Variants in ZNF608 observed in about 807,000 individuals in gnomAD.
The protein encoded by ZNF608 is zinc finger protein 608, also known as renal carcinoma antigen NY-REN-36.
ZNF608 carries 12 observed loss-of-function variants against 109.0 expected under a neutral mutation model. That is an observed-to-expected ratio of 0.11 (90% CI 0.07 to 0.18). ZNF608 has a LOEUF of 0.18. ZNF608 is among the 10% of genes least tolerant of loss of function. ZNF608 has a pLI of 1.00. For missense variants in ZNF608, 1,707 were observed against 1,879.3 expected (o/e 0.91, Z 1.70); for synonymous variants, 732 against 717.4 (o/e 1.02, Z -0.33).
intron 3 of ZNF608, among the ~76,000 whole-genome samples, chr5:124,665,929 A>C (rs1247758881): frequency 6.6e-6 from 1 of 152,226 alleles, no homozygotes; most frequent in Non-Finnish European, 1.5e-5. Context: ...GCTTAAAATA[A>C]ATTTTACAGA....
intron 3 of ZNF608, among the ~76,000 whole-genome samples, chr5:124,683,804 T>C (rs1445567819): frequency 1.3e-5 from 2 of 152,214 alleles, no homozygotes; most frequent in Admixed American, 1.3e-4. Context: ...TTCTAAGGAA[T>C]CTTAATACAA....
In ZNF608 at chr5:124,646,599, T is replaced by C. The variant is rs1482947681; in HGVS notation, c.3705+80A>G. The stretch of plus-strand genomic sequence containing the variant: ...GGGTTTCTTTCCTGTGTCAGAAGTC[T>C]AACCAGATCAAGCCCAGACATGTAT... On this transcript the variant is annotated intron_variant, in intron 5 of 9. Coordinates refer to ENST00000513986, the MANE Select transcript of ZNF608 (RefSeq NM_020747.3). The C allele has an allele frequency of 3.3e-6, 5 of 1,499,992 alleles. No individual in the cohort carries two copies. In the African/African-American group the frequency reaches 7.0e-5, roughly 21 times the overall value. The allele number at this position is 1,499,992 out of a possible 1,614,324, so 92.9% of individuals were successfully genotyped here. A position where few individuals can be genotyped will look rare whatever the true frequency, so the allele number is the denominator to read the frequency against.
At chr5:124,746,802 G>A (rs1286395015), upstream of ZNF608, 15 of 983,802 alleles carry the variant, frequency 1.5e-5, no homozygotes, top group South Asian at 6.6e-4. Flanking sequence ...GAGAAAAGGA[G>A]GGGGGGAGTA....
intron 3 of ZNF608, among the ~76,000 whole-genome samples, chr5:124,695,015 C>G (rs573422375): frequency 1.3e-5 from 2 of 152,136 alleles, no homozygotes; most frequent in Non-Finnish European, 2.9e-5. Context: ...CCACTTGACC[C>G]TTTTTCTCAT....
At chr5:124,675,995 G>A (rs1368633872) in intron 3 of ZNF608, among the ~76,000 whole-genome samples, 1 of 152,204 alleles carries the variant, frequency 6.6e-6, no homozygotes, top group Admixed American at 6.5e-5. Flanking sequence ...AAAGACATGA[G>A]ACAGCTGGCC....
At chr5:124,672,396 C>T (rs2149815094) in intron 3 of ZNF608, among the ~76,000 whole-genome samples, 1 of 152,300 alleles carries the variant, frequency 6.6e-6, no homozygotes, top group African/African-American at 2.4e-5. Flanking sequence ...TAATGAATCT[C>T]TAAAGAACTA....
In ZNF608 at chr5:124,647,019, G is replaced by T. The variant is rs1165591365; in HGVS notation, c.3365C>A (p.Thr1122Asn). 8.7e-6 allele frequency: 14 copies of T among 1,613,864 alleles called. No homozygotes were observed. The highest frequency in any genetic ancestry group is 1.2e-5 in the Non-Finnish European group (14 of 1,179,982). ...TTTCCTTTCACAGTCTCCTCTCCCAGTCTGGGCCATTTTCTGCTCTGCCAG... is the reference window on the plus strand; with the variant it reads ...TTTCCTTTCACAGTCTCCTCTCCCATTCTGGGCCATTTTCTGCTCTGCCAG... ...QRLAEQKMAQTGRGDCERKSE... is the reference protein window; with the variant it reads ...QRLAEQKMAQNGRGDCERKSE... The change falls in exon 5 of 10, where the codon ACT becomes AAT. Residue 1122 changes from threonine (T) to asparagine (N), a missense_variant. This residue lies in a region of ZNF608 where 1,073 missense variants were observed against 1,133.5 expected (regional missense o/e 0.95). Transcript: ENST00000513986.
chr5:124,748,548 G>C, upstream of ZNF608: 1 of 985,374 alleles, frequency 1.0e-6, no homozygotes, highest in African/African-American at 1.7e-5. Context: ...GTATTGGATC[G>C]AGTTGACCTT....
chr5:124,730,908 T>C (rs1748865015), intron 2 of ZNF608, among the ~76,000 whole-genome samples: 1 of 152,224 alleles, frequency 6.6e-6, no homozygotes, highest in African/African-American at 2.4e-5. Context: ...GAAGCATTCA[T>C]AGAGTGGAGG....
intron 3 of ZNF608, among the ~76,000 whole-genome samples, chr5:124,689,162 C>T (rs931002028): frequency 6.6e-6 from 1 of 152,114 alleles, no homozygotes; most frequent in Admixed American, 6.5e-5. Context: ...CTTTGAGAGG[C>T]CAAGATGGGA....
In ZNF608 at chr5:124,670,336, TC is replaced by T. The variant is rs779207645; in HGVS notation, c.1163-20640del. Among the ~76,000 whole-genome samples, 1,276 of 148,604 alleles carry T rather than the reference TC, an allele frequency of 8.6e-3. 20 individuals are homozygous for T. The highest frequency in any genetic ancestry group is 0.027 in the African/African-American group (1,081 of 39,688). On this transcript the variant is annotated intron_variant, in intron 3 of 9. Transcript: ENST00000513986. ...AGTGCAGCTATCCTTTTTCTTTCTT[TC>T]TTTTTTTTTTTAATGGAAAGGCTCT...
intron 3 of ZNF608, among the ~76,000 whole-genome samples, chr5:124,698,193 G>T (rs1752923402): frequency 6.6e-6 from 1 of 152,086 alleles, no homozygotes; most frequent in Non-Finnish European, 1.5e-5. Context: ...TTTGTTCTGT[G>T]TCTCTCTTTG....
chr5:124,708,663 C>A, intron 2 of ZNF608: 1 of 449,908 alleles, frequency 2.2e-6, no homozygotes, highest in Non-Finnish European at 4.5e-6. Context: ...CTAAAACTAC[C>A]GTTATGCACA....
chr5:124,705,120 C>T (rs1753207564), intron 2 of ZNF608, among the ~76,000 whole-genome samples: 1 of 152,090 alleles, frequency 6.6e-6, no homozygotes, highest in Non-Finnish European at 1.5e-5. Flanking sequence ...GTTATTTTTG[C>T]CTTATACAAA....
intron 3 of ZNF608, among the ~76,000 whole-genome samples, chr5:124,682,186 C>T (rs1203824903): frequency 6.6e-6 from 1 of 152,308 alleles, no homozygotes; most frequent in East Asian, 1.9e-4. Context: ...GATTCTCCTA[C>T]CGCAGCCTCC....
chr5:124,747,875 T>C (rs1214019572), upstream of ZNF608, among the ~76,000 whole-genome samples: 1 of 152,116 alleles, frequency 6.6e-6, no homozygotes, highest in African/African-American at 2.4e-5. Flanking sequence ...TACTTGGATT[T>C]TAGGGACCCC....
In ZNF608 at chr5:124,660,172, C is replaced by CTGTGTGTG. The variant is rs35200784; in HGVS notation, c.1163-10483_1163-10476dup. ...AACAGAAGAACTGCCTCTCTTAACT[C>CTGTGTGTG]TGTGTGTGTGTGTGTGTGTGTGAGA... On this transcript the variant is annotated intron_variant, in intron 3 of 9. Transcript: ENST00000513986. Among the ~76,000 whole-genome samples the CTGTGTGTG allele has an allele frequency of 5.1e-3, 768 of 150,366 alleles. 10 individuals carry two copies. The highest frequency in any genetic ancestry group is 0.018 in the African/African-American group (733 of 40,862).
At chr5:124,691,100 C>T (rs1020795318) in intron 3 of ZNF608, among the ~76,000 whole-genome samples, 1 of 152,192 alleles carries the variant, frequency 6.6e-6, no homozygotes, top group South Asian at 2.1e-4. Context: ...CCAACCCGCA[C>T]AACATAGTGA....
chr5:124,740,939 T>A (rs536652301), intron 2 of ZNF608, among the ~76,000 whole-genome samples: 1 of 152,300 alleles, frequency 6.6e-6, no homozygotes, highest in East Asian at 1.9e-4. Flanking sequence ...ATCTGATAAG[T>A]CAAAACTGTA....
Sources: gnomAD v4.1 joint callset for allele counts (sites outside exome capture counted in the v4.1 genomes callset) on GRCh38, gnomAD v4.1.1 for gene constraint, gnomAD v4.1.1 regional missense constraint, MANE v1.5 for transcripts, NCBI Gene and HGNC (gene_info 2026-07-23, HGNC 2026-07-21) for gene names.